Variants in NRG1 observed in about 807,000 individuals in gnomAD.
NRG1 encodes the protein pro-neuregulin-1, membrane-bound isoform.
Under a neutral mutation model 63.8 loss-of-function variants are expected in NRG1, and 18 were observed. That is an observed-to-expected ratio of 0.28 (90% CI 0.19 to 0.42). The LOEUF is 0.42. NRG1 is among the 10% of genes least tolerant of loss of function. The probability of loss-of-function intolerance (pLI) is 1.00; values close to 1 mark genes in which losing one functional copy is unlikely to be tolerated. For synonymous variants in NRG1, 302 were observed against 301.3 expected, an observed-to-expected ratio of 1.00 and a Z score of -0.02; for missense variants, 762 against 814.7, an observed-to-expected ratio of 0.94 and a Z score of 0.79.
At chr8:32,271,098 C>A (rs1398770850) in intron 1 of NRG1, among the ~76,000 whole-genome samples, 4 of 152,084 alleles carry the variant, frequency 2.6e-5, no homozygotes, top group Non-Finnish European at 4.4e-5. Flanking sequence ...TTGTCAAAAT[C>A]TCACTTTTTT....
chr8:32,113,101 G>A (rs916226970), intron 1 of NRG1, among the ~76,000 whole-genome samples: 4 of 152,092 alleles, frequency 2.6e-5, no homozygotes, highest in East Asian at 1.9e-4. Context: ...CACATACCAC[G>A]AAGTTGACCT....
intron 1 of NRG1, among the ~76,000 whole-genome samples, chr8:32,335,407 T>A (rs1803142516): frequency 6.6e-6 from 1 of 152,214 alleles, no homozygotes; most frequent in Non-Finnish European, 1.5e-5. Context: ...TGTCCTCAGG[T>A]AGGCAGTGCT....
chr8:32,351,607 T>C (rs1484044359), intron 1 of NRG1, among the ~76,000 whole-genome samples: 2 of 152,140 alleles, frequency 1.3e-5, no homozygotes, highest in East Asian at 3.9e-4. Context: ...AGTGTGTGCC[T>C]TCCAGCGTCC....
At chr8:32,667,158 A>G (rs1804406836) in intron 5 of NRG1, among the ~76,000 whole-genome samples, 1 of 152,356 alleles carries the variant, frequency 6.6e-6, no homozygotes, top group African/African-American at 2.4e-5. Flanking sequence ...CTGTGCAAGT[A>G]TGTTACTGTA....
At chr8:31,779,321 C>T (rs1471436890) in intron 1 of NRG1, among the ~76,000 whole-genome samples, 1 of 152,050 alleles carries the variant, frequency 6.6e-6, no homozygotes, top group African/African-American at 2.4e-5. Flanking sequence ...CTGGCATTAC[C>T]TTAAAATCCT....
chr8:31,701,124 A>T (rs1032636272), intron 1 of NRG1, among the ~76,000 whole-genome samples: 3 of 152,112 alleles, frequency 2.0e-5, no homozygotes, highest in Non-Finnish European at 4.4e-5. Context: ...CTTACATTTT[A>T]TCTTCTCTGT....
chr8:32,018,264 G>A (rs185825980), intron 1 of NRG1, among the ~76,000 whole-genome samples: 4 of 152,176 alleles, frequency 2.6e-5, no homozygotes, highest in Admixed American at 1.3e-4. Context: ...GAAGAACATC[G>A]AGGGGAAACA....
intron 1 of NRG1, among the ~76,000 whole-genome samples, chr8:31,877,610 G>T (rs898778746): frequency 2.0e-5 from 3 of 151,906 alleles, no homozygotes; most frequent in Middle Eastern, 3.2e-3. Context: ...TACTCTAGAG[G>T]CATATACTTG....
chr8:31,771,018 A>G lies in NRG1; in HGVS notation c.37+131587A>G, dbSNP rs373360529. On this transcript the variant is annotated intron_variant, in intron 1 of 10. Transcript: ENST00000519301. ...CAGATTTCAGTAGTTCTTACATGCA[A>G]TCATTTTCCTTTATAGCATATGGTT... 7.9e-5 allele frequency among the ~76,000 whole-genome samples: 12 copies of G among 152,140 alleles called. No individual in the cohort carries two copies. The East Asian group carries it at 1.5e-3, about 20-fold the overall frequency.
intron 1 of NRG1, among the ~76,000 whole-genome samples, chr8:32,351,254 T>C (rs1165386408): frequency 6.6e-6 from 1 of 152,204 alleles, no homozygotes; most frequent in African/African-American, 2.4e-5. Context: ...GACAGAATAC[T>C]TGCTGCTTCC....
At chr8:31,939,169 G>A (rs184512067) in intron 1 of NRG1, among the ~76,000 whole-genome samples, 86 of 152,172 alleles carry the variant, frequency 5.7e-4, no homozygotes, top group African/African-American at 1.9e-3. Context: ...AGGCAAAAGC[G>A]TCAGGTAACC....
chr8:32,233,563 A>ATATATATATATATATTTT (rs34593729), intron 1 of NRG1, among the ~76,000 whole-genome samples: 2 of 67,250 alleles, frequency 3.0e-5, no homozygotes, highest in East Asian at 3.9e-4. Flanking sequence ...ATATATATAT[A>ATATATATATATATATTTT]TTTTTTTTTT....
intron 1 of NRG1, among the ~76,000 whole-genome samples, chr8:32,394,052 C>T (rs13280072): frequency 0.4 from 60,637 of 151,900 alleles, 12,500 homozygotes; most frequent in Admixed American, 0.46. Context: ...ATATGTTTTA[C>T]TCTGCCTGGT....
At chr8:32,117,906 T>A (rs1205028963) in intron 1 of NRG1, among the ~76,000 whole-genome samples, 1 of 152,118 alleles carries the variant, frequency 6.6e-6, no homozygotes, top group East Asian at 1.9e-4. Flanking sequence ...TGCACATTCT[T>A]TTTCCTTGGG....
intron 1 of NRG1, among the ~76,000 whole-genome samples, chr8:31,875,143 C>T (rs766911700): frequency 2.6e-5 from 4 of 152,024 alleles, no homozygotes; most frequent in Non-Finnish European, 2.9e-5. Context: ...GAACTCCTGC[C>T]TCTGGGAATA....
chr8:31,964,998 G>A (rs941379225), intron 1 of NRG1, among the ~76,000 whole-genome samples: 15 of 152,168 alleles, frequency 9.9e-5, no homozygotes, highest in East Asian at 9.6e-4. Flanking sequence ...AAGCTCCATC[G>A]TTAGGGCCAA....
At chr8:32,279,702 GT>G (rs1852495259) in intron 1 of NRG1, among the ~76,000 whole-genome samples, 1 of 152,214 alleles carries the variant, frequency 6.6e-6, no homozygotes. Flanking sequence ...TTAGTAAGTG[GT>G]AGAGGTATAA....
Position 32,037,243 on chromosome 8 carries a change from G to A in NRG1, c.37+397812G>A, listed in dbSNP as rs924076024. Among the ~76,000 whole-genome samples, 3 of 152,228 alleles carry A rather than the reference G, an allele frequency of 2.0e-5. 1 individual carries two copies. Among genetic ancestry groups the A allele is most frequent in the South Asian group, 4.1e-4 (2 of 4,824 alleles). ...TCCACTTCAGACCCTATTCACCTGG[G>A]GTCCTCCCACACCTGGAGGAATCAC... On this transcript the variant is annotated intron_variant, in intron 1 of 10. Coordinates refer to the NRG1 transcript ENST00000519301.
At chr8:32,444,758 G>A (rs1419431792) in intron 1 of NRG1, among the ~76,000 whole-genome samples, 3 of 152,172 alleles carry the variant, frequency 2.0e-5, no homozygotes, top group East Asian at 1.9e-4. Context: ...TGCCTTTGAC[G>A]AATACAAATC....
Sources: gnomAD v4.1 joint callset for allele counts (sites outside exome capture counted in the v4.1 genomes callset) on GRCh38, gnomAD v4.1.1 for gene constraint, MANE v1.5 for transcripts, NCBI Gene and HGNC (gene_info 2026-07-23, HGNC 2026-07-21) for gene names.